Variants in TNPO1 observed in about 807,000 individuals in gnomAD.
The protein encoded by TNPO1 is transportin-1.
TNPO1 carries 8 observed loss-of-function variants against 119.5 expected under a neutral mutation model. That is an observed-to-expected ratio of 0.07 (90% CI 0.04 to 0.12). The LOEUF is 0.12. Ranked by LOEUF, TNPO1 falls within the 10% of genes least tolerant of loss-of-function variation. The pLI is 1.00. For missense variants in TNPO1, 576 were observed against 1,089.8 expected, an observed-to-expected ratio of 0.53 and a Z score of 6.64; for synonymous variants, 362 against 363.0, an observed-to-expected ratio of 1.00 and a Z score of 0.03.
At position 72,875,717 on chromosome 5, in the gene TNPO1, C is replaced by G; in HGVS notation, c.781C>G (p.His261Asp). 6.2e-7 allele frequency: 1 copy of G among 1,612,454 alleles called. No individual in the cohort carries two copies. The highest frequency in any genetic ancestry group is 8.5e-7 in the Non-Finnish European group (1 of 1,178,770). ...LEVRMDRLLP[H>D]MHNIVEYMLQ... is the part of the protein sequence containing the mutation. ...AGTTCGAATGGATCGCCTGCTTCCT[C>G]ACATGCATAATATAGTTGAGGTAAC... The change falls in exon 8 of 25, where the codon CAC becomes GAC. Residue 261 changes from histidine (H) to aspartate (D), a missense_variant. Coordinates refer to ENST00000337273, the MANE Select transcript of TNPO1 (RefSeq NM_002270.4).
chr5:72,890,693 C>T (rs1298955896), intron 14 of TNPO1, among the ~76,000 whole-genome samples: 1 of 152,102 alleles, frequency 6.6e-6, no homozygotes, highest in Non-Finnish European at 1.5e-5. Context: ...CCCCTGTTTA[C>T]ATGATCACTA....
intron 1 of TNPO1, among the ~76,000 whole-genome samples, chr5:72,828,522 TACAC>T (rs777812451): frequency 6.6e-6 from 1 of 152,178 alleles, no homozygotes; most frequent in Non-Finnish European, 1.5e-5. Context: ...TACACACACA[TACAC>T]ACACAAATTT....
In TNPO1 at chr5:72,897,121, A is replaced by G. The variant is rs1749490048; in HGVS notation, c.2308A>G (p.Asn770Asp). The G allele has an allele frequency of 6.2e-7, 1 of 1,611,288 alleles. No individual in the cohort carries two copies. The highest frequency in any genetic ancestry group is 8.5e-7 in the Non-Finnish European group (1 of 1,179,136). ...HQLVEIINRP[N>D]TPKTLLENTA... ...GCTTGTAGAAATCATTAACAGACCC[A>G]ACACACCAAAGACGTTGTTAGAGAA... The change falls in exon 20 of 25, where the codon AAC becomes GAC. Residue 770 changes from asparagine to aspartate, a missense_variant. By Grantham distance (23) the Asn-to-Asp change is conservative. Around this residue, in one of 6 missense-constraint regions of TNPO1, gnomAD observed 162 missense variants for 294.1 expected, o/e 0.55. Transcript: ENST00000337273.
chr5:72,851,376 T>A, intron 3 of TNPO1, 57 bp downstream of exon 3: 2 of 982,414 alleles, frequency 2.0e-6, no homozygotes, highest in Non-Finnish European at 1.6e-6. Flanking sequence ...TGTTTAAATG[T>A]ACTGAGAATT....
intron 1 of TNPO1, chr5:72,825,590 G>A (rs547356424): frequency 6.6e-6 from 1 of 152,668 alleles, no homozygotes; most frequent in African/African-American, 2.4e-5. Context: ...GGGAGGCTGA[G>A]GCAGGAGAAT....
In TNPO1 at chr5:72,889,955, C is replaced by G; in HGVS notation, c.1699C>G (p.Pro567Ala). 6.2e-7 allele frequency: 1 copy of G among 1,612,802 alleles called. No homozygotes were observed. Among genetic ancestry groups the G allele is most frequent in the Non-Finnish European group, 8.5e-7 (1 of 1,179,522 alleles). Residue 567 changes from proline (P) to alanine (A), a missense_variant and splice_region_variant, in exon 14 of 25, where the codon CCA becomes GCA. Physicochemically the swap from Pro to Ala is conservative, Grantham distance 27. This residue lies in a region of TNPO1 where 23 missense variants were observed against 105.8 expected (regional missense o/e 0.22). Transcript: ENST00000337273. ...TTCAGTAGGACATCATTTAAACAAA[C>G]CAGTAAGTATCTGTTAAGAACTATT... ...ADSVGHHLNK[P>A]EYIQMLMPPL...
intron 1 of TNPO1, among the ~76,000 whole-genome samples, chr5:72,820,578 T>C (rs960661747): frequency 6.6e-5 from 10 of 152,198 alleles, no homozygotes; most frequent in African/African-American, 1.9e-4. Flanking sequence ...AAGTTACTTC[T>C]ATTTTACTGA....
At position 72,902,581 on chromosome 5, in the gene TNPO1, T is replaced by C. The variant is rs558648442; in HGVS notation, c.2515-1128T>C. On this transcript the variant is annotated intron_variant, in intron 22 of 24. Transcript: ENST00000337273. ...TGTGCTAGAGGTATCTGATATGACA[T>C]GTACCATCTTTTTCAAAAGTATCTT... is the stretch of plus-strand genomic sequence containing the variant. Among the ~76,000 whole-genome samples, 41 of 152,138 alleles carry C rather than the reference T, an allele frequency of 2.7e-4. 1 individual carries two copies. The highest frequency in any genetic ancestry group is 3.4e-3 in the Middle Eastern group (1 of 294).
At chr5:72,859,770 G>A (rs952167352) in intron 4 of TNPO1, among the ~76,000 whole-genome samples, 1 of 152,132 alleles carries the variant, frequency 6.6e-6, no homozygotes, top group Non-Finnish European at 1.5e-5. Context: ...TGGCATTATT[G>A]GGTCAAAGTG....
chr5:72,907,073 G>A (rs1461890684), intron 24 of TNPO1, among the ~76,000 whole-genome samples: 1 of 152,124 alleles, frequency 6.6e-6, no homozygotes, highest in Non-Finnish European at 1.5e-5. Flanking sequence ...AACCTAGAAG[G>A]TAGTAGAAAT....
chr5:72,869,144 A>G (rs1167735459), intron 6 of TNPO1, among the ~76,000 whole-genome samples: 1 of 152,206 alleles, frequency 6.6e-6, no homozygotes, highest in African/African-American at 2.4e-5. Flanking sequence ...ACTTGAAAAA[A>G]ATTTTGGGTA....
At chr5:72,878,972 C>T (rs1253413422) in intron 9 of TNPO1, 1 of 484,104 alleles carries the variant, frequency 2.1e-6, no homozygotes, top group South Asian at 1.6e-5. Flanking sequence ...TTTCCATGGG[C>T]CCAGATTACT....
chr5:72,853,988 T>C (rs955747148), intron 3 of TNPO1, among the ~76,000 whole-genome samples: 4 of 152,248 alleles, frequency 2.6e-5, no homozygotes, highest in African/African-American at 7.2e-5. Flanking sequence ...ACTTTTAATA[T>C]TGAATTGTTT....
intron 1 of TNPO1, among the ~76,000 whole-genome samples, chr5:72,842,172 A>AT (rs1183911425): frequency 1.3e-5 from 2 of 152,208 alleles, no homozygotes; most frequent in Non-Finnish European, 1.5e-5. Context: ...GTGAAGTGTG[A>AT]TTTTACTTTT....
In TNPO1 at chr5:72,861,745, C is replaced by T. The variant is rs1746464962; in HGVS notation, c.356-63C>T. The T allele has an allele frequency of 8.6e-6, 10 of 1,160,500 alleles. No homozygotes were observed. In the Admixed American group the frequency reaches 1.2e-4, roughly 14 times the overall value. The allele number at this position is 1,160,500 out of a possible 1,614,324, so 71.9% of individuals were successfully genotyped here. ...TAAAATGTGTTTGTGCACACAGTTG[C>T]TCACATGGCAATGCCTGACATAATG... On this transcript the variant is annotated intron_variant, in intron 4 of 24. Transcript: ENST00000337273.
intron 1 of TNPO1, among the ~76,000 whole-genome samples, chr5:72,823,554 C>A (rs1421868589): frequency 6.6e-6 from 1 of 152,180 alleles, no homozygotes; most frequent in Non-Finnish European, 1.5e-5. Flanking sequence ...ATCTTCTGAC[C>A]CCAATGGAAT....
intron 4 of TNPO1, among the ~76,000 whole-genome samples, chr5:72,859,785 T>G (rs2112302881): frequency 6.6e-6 from 1 of 152,358 alleles, no homozygotes; most frequent in East Asian, 1.9e-4. Flanking sequence ...AAAGTGTGTT[T>G]AAACATTTTT....
At chr5:72,889,755 A>G (rs1364681865) in intron 13 of TNPO1, 31 bp from the exon 14 acceptor site, 12 of 1,543,326 alleles carry the variant, frequency 7.8e-6, no homozygotes, top group South Asian at 1.2e-5. Context: ...CTTACAGTCA[A>G]TAAGTATTCT....
chr5:72,855,742 C>G, intron 3 of TNPO1, 32 bp from the exon 4 acceptor site: 1 of 1,550,036 alleles, frequency 6.5e-7, no homozygotes, highest in Non-Finnish European at 8.7e-7. Context: ...AAGACTACTT[C>G]AAAACTCATT....
Sources: allele counts gnomAD v4.1 joint callset (sites outside exome capture counted in the v4.1 genomes callset), GRCh38; gene constraint gnomAD v4.1.1; regional missense constraint gnomAD v4.1.1; transcripts MANE v1.5; gene names NCBI Gene and HGNC (gene_info 2026-07-23, HGNC 2026-07-21).